The following PPP1R13B variants were observed in gnomAD, a reference collection of about 807,000 sequenced individuals.
PPP1R13B encodes apoptosis-stimulating of p53 protein 1.
A neutral mutation model predicts 119.8 loss-of-function variants in PPP1R13B; 44 were observed. That is an observed-to-expected ratio of 0.37 (90% CI 0.29 to 0.47). The LOEUF is 0.47. PPP1R13B is among the 20% of genes least tolerant of loss of function. The pLI is 0.99. For missense variants in PPP1R13B, 1,227 were observed against 1,413.5 expected, an observed-to-expected ratio of 0.87 and a Z score of 2.12; for synonymous variants, 542 against 561.5, an observed-to-expected ratio of 0.97 and a Z score of 0.49.
chr14:103,818,457 C>T (rs968517029), intron 1 of PPP1R13B: 6 of 965,880 alleles, frequency 6.2e-6, no homozygotes, highest in Non-Finnish European at 7.4e-6. Flanking sequence ...GACTGAATTT[C>T]TCAATGTTAA....
chr14:103,811,779 G>T (rs192754036), intron 1 of PPP1R13B, among the ~76,000 whole-genome samples: 1 of 151,094 alleles, frequency 6.6e-6, no homozygotes, highest in Admixed American at 6.6e-5. Context: ...CACCCAGGCC[G>T]GGCGCAGTGG....
intron 4 of PPP1R13B, 38 bp downstream of exon 4, chr14:103,778,707 T>C: frequency 1.3e-6 from 2 of 1,541,252 alleles, no homozygotes; most frequent in African/African-American, 2.7e-5. Flanking sequence ...CACCTAGCCA[T>C]CAATTTTTAA....
chr14:103,739,536 A>C (rs2084198508), intron 12 of PPP1R13B, among the ~76,000 whole-genome samples: 1 of 152,154 alleles, frequency 6.6e-6, no homozygotes, highest in Admixed American at 6.5e-5. Context: ...CAGGACCTTC[A>C]GGTGCCAGCG....
intron 4 of PPP1R13B, among the ~76,000 whole-genome samples, chr14:103,767,666 T>C (rs2084967491): frequency 6.6e-6 from 1 of 152,024 alleles, no homozygotes; most frequent in Non-Finnish European, 1.5e-5. Context: ...AGGCTGGTCC[T>C]CTTGCTCTCG....
chr14:103,838,043 T>C (rs1482203132), intron 1 of PPP1R13B, among the ~76,000 whole-genome samples: 2 of 151,878 alleles, frequency 1.3e-5, no homozygotes, highest in Non-Finnish European at 2.9e-5. Context: ...CGCTTGAACC[T>C]AGGAGGCGAA....
intron 1 of PPP1R13B, 65 bp downstream of exon 1, chr14:103,847,234 G>C: frequency 9.0e-7 from 1 of 1,113,668 alleles, no homozygotes; most frequent in Non-Finnish European, 1.1e-6. Context: ...AGCCGCGGGA[G>C]GAAGGAGGTT....
intron 1 of PPP1R13B, among the ~76,000 whole-genome samples, chr14:103,817,996 G>A (rs1446236895): frequency 6.6e-5 from 10 of 150,994 alleles, no homozygotes; most frequent in South Asian, 4.2e-4. Flanking sequence ...TTATCAGATG[G>A]GTAAATCAAA....
At chr14:103,735,261 G>C (rs376891909) in intron 16 of PPP1R13B, 66 bp from the exon 17 acceptor site, 3 of 1,537,222 alleles carry the variant, frequency 2.0e-6, no homozygotes, top group Non-Finnish European at 1.8e-6. Context: ...AGCCAGACCC[G>C]ACCCCTGCTC....
At chr14:103,841,091 G>A (rs750491729) in intron 1 of PPP1R13B, among the ~76,000 whole-genome samples, 2 of 152,056 alleles carry the variant, frequency 1.3e-5, no homozygotes, top group Non-Finnish European at 2.9e-5. Flanking sequence ...TTCAAGACCC[G>A]CCTGACCAAC....
intron 1 of PPP1R13B, among the ~76,000 whole-genome samples, chr14:103,844,216 G>A (rs1452308965): frequency 4.0e-5 from 6 of 151,634 alleles, no homozygotes. Context: ...GCCGTAAGCT[G>A]AGATCGTATC....
rs371344434 is a variant in PPP1R13B at position 103,797,522 on chromosome 14, T to C, written c.10-4A>G. On this transcript the variant is annotated splice_region_variant and splice_polypyrimidine_tract_variant and intron_variant, in intron 1 of 16. Coordinates refer to ENST00000202556, the MANE Select transcript of PPP1R13B (RefSeq NM_015316.3). The stretch of plus-strand genomic sequence containing the variant: ...TCAAGAAAACAGTTAATATCATCTG[T>C]AAGACAAAAGAGTAAAGCTGTAATT... 2 of 1,608,146 alleles carry C rather than the reference T, an allele frequency of 1.2e-6. No individual in the cohort carries two copies. The highest frequency in any genetic ancestry group is 1.7e-5 in the Admixed American group (1 of 59,528).
At chr14:103,797,318 G>C in intron 2 of PPP1R13B, 53 bp downstream of exon 2, 3 of 1,505,208 alleles carry the variant, frequency 2.0e-6, no homozygotes, top group Non-Finnish European at 2.7e-6. Flanking sequence ...TTAGCTAAAA[G>C]ATGGTGATTT....
chr14:103,788,455 G>T (rs1340120537), intron 2 of PPP1R13B, among the ~76,000 whole-genome samples: 3 of 152,138 alleles, frequency 2.0e-5, no homozygotes, highest in Middle Eastern at 3.2e-3. Context: ...AAAGAACAAA[G>T]ATTGATACGG....
At chr14:103,798,890 A>G (rs2085826214) in intron 1 of PPP1R13B, among the ~76,000 whole-genome samples, 1 of 151,922 alleles carries the variant, frequency 6.6e-6, no homozygotes, top group African/African-American at 2.4e-5. Context: ...GGGTATTGCC[A>G]TGCTGCCCAG....
At chr14:103,820,051 A>G (rs1032948462) in intron 1 of PPP1R13B, among the ~76,000 whole-genome samples, 1 of 152,106 alleles carries the variant, frequency 6.6e-6, no homozygotes, top group Non-Finnish European at 1.5e-5. Flanking sequence ...GTAGTCCTCT[A>G]CCTGCCAACG....
At chr14:103,811,011 T>C (rs1312397434) in intron 1 of PPP1R13B, among the ~76,000 whole-genome samples, 1 of 137,740 alleles carries the variant, frequency 7.3e-6, no homozygotes, top group Non-Finnish European at 1.5e-5. Flanking sequence ...GAGAATTGCT[T>C]AAACCCGGGA....
chr14:103,824,993 C>A (rs6576003), intron 1 of PPP1R13B, among the ~76,000 whole-genome samples: 87,827 of 152,016 alleles, frequency 0.58, 27,266 homozygotes, highest in African/African-American at 0.83. Context: ...GTGTCAAGCA[C>A]GTCTACTGGT....
At chr14:103,775,051 G>GA (rs1479796001) in intron 4 of PPP1R13B, among the ~76,000 whole-genome samples, 2 of 152,008 alleles carry the variant, frequency 1.3e-5, no homozygotes, top group African/African-American at 4.8e-5. Flanking sequence ...TTATTAACAA[G>GA]AAAAAACTTC....
intron 2 of PPP1R13B, among the ~76,000 whole-genome samples, chr14:103,792,876 C>G (rs1939673589): frequency 6.6e-6 from 1 of 151,962 alleles, no homozygotes; most frequent in Non-Finnish European, 1.5e-5. Context: ...CGAGACCAGC[C>G]TGGCCAATAT....
Sources: allele counts gnomAD v4.1 joint callset (sites outside exome capture counted in the v4.1 genomes callset), GRCh38; gene constraint gnomAD v4.1.1; transcripts MANE v1.5; gene names NCBI Gene and HGNC (gene_info 2026-07-23, HGNC 2026-07-21).